PARP11: variants seen among roughly 807,000 people sequenced by gnomAD.
PARP11 encodes protein mono-ADP-ribosyltransferase PARP11.
Under a neutral mutation model 42.9 loss-of-function variants are expected in PARP11, and 31 were observed. The ratio of observed to expected loss-of-function variants is 0.72; its 90% CI spans 0.54 to 0.98. The LOEUF is 0.98. Ranked by LOEUF, PARP11 falls within the 50% of genes least tolerant of loss-of-function variation. The pLI is 0.00. For missense variants in PARP11, 365 were observed against 413.1 expected (o/e 0.88, Z 1.01); for synonymous variants, 137 against 127.3 (o/e 1.08, Z -0.51).
At chr12:3,827,478 G>A (rs562625912) in intron 3 of PARP11, among the ~76,000 whole-genome samples, 7 of 151,924 alleles carry the variant, frequency 4.6e-5, no homozygotes, top group East Asian at 3.9e-4. Flanking sequence ...CATATCATTC[G>A]GTTTCAGTTC....
intron 6 of PARP11, among the ~76,000 whole-genome samples, chr12:3,815,932 T>A (rs10774174): frequency 1.3e-5 from 2 of 152,098 alleles, no homozygotes; most frequent in South Asian, 2.1e-4. Context: ...ATTTAAATGG[T>A]GACAGAGATG....
At chr12:3,821,326 C>T (rs1341159119) in intron 6 of PARP11, among the ~76,000 whole-genome samples, 2 of 152,130 alleles carry the variant, frequency 1.3e-5, no homozygotes, top group Non-Finnish European at 2.9e-5. Context: ...CCTTTAATAG[C>T]TTAAAGTTTT....
chr12:3,859,331 G>A (rs949311590), intron 1 of PARP11, among the ~76,000 whole-genome samples: 142 of 152,076 alleles, frequency 9.3e-4, no homozygotes, highest in African/African-American at 3.3e-3. Context: ...TTGCGAGGCC[G>A]AGGCGAGTGG....
chr12:3,859,349 G>A (rs1948255394), intron 1 of PARP11, among the ~76,000 whole-genome samples: 3 of 152,012 alleles, frequency 2.0e-5, no homozygotes, highest in South Asian at 4.1e-4. Flanking sequence ...TGGATCACAA[G>A]GTCAGGAGAT....
intron 6 of PARP11, among the ~76,000 whole-genome samples, chr12:3,821,063 A>C (rs1253398906): frequency 6.6e-6 from 1 of 152,218 alleles, no homozygotes; most frequent in Admixed American, 6.5e-5. Flanking sequence ...AAAAGGAGAT[A>C]GTTTATGTGT....
chr12:3,824,600 T>A lies in PARP11; in HGVS notation c.344+1558A>T. The A allele has an allele frequency of 3.1e-6, 3 of 979,484 alleles. No individual in the cohort carries two copies. In the South Asian group the frequency reaches 1.4e-4, roughly 46 times the overall value. The allele number at this position is 979,484 out of a possible 1,614,324, so 60.7% of individuals were successfully genotyped here. ...TCTTACCTAAACAGTCCTCTCCTTT[T>A]ATTATTATCTTGCTTATTGTCCTCC... On this transcript the variant is annotated intron_variant, in intron 4 of 7. Transcript: ENST00000228820.
intron 1 of PARP11, chr12:3,842,574 CT>C (rs1413382737): frequency 1.7e-6 from 2 of 1,193,928 alleles, no homozygotes; most frequent in Non-Finnish European, 2.4e-6. Context: ...TTTCTGAAGG[CT>C]TTAAAAAACT....
intron 1 of PARP11, among the ~76,000 whole-genome samples, chr12:3,853,596 A>G (rs540145944): frequency 3.0e-4 from 46 of 152,366 alleles, no homozygotes; most frequent in African/African-American, 1.1e-3. Flanking sequence ...TATCCTAAAT[A>G]TATATGCACC....
chr12:3,834,990 G>GTA (rs1947726862), intron 1 of PARP11, among the ~76,000 whole-genome samples: 1 of 152,152 alleles, frequency 6.6e-6, no homozygotes, highest in Admixed American at 6.5e-5. Context: ...TGACCCAGGG[G>GTA]TAATTCCTAT....
chr12:3,862,954 T>G (rs900504943), intron 1 of PARP11, among the ~76,000 whole-genome samples: 1 of 152,248 alleles, frequency 6.6e-6, no homozygotes, highest in Non-Finnish European at 1.5e-5. Flanking sequence ...ATTATCAATC[T>G]GTCTGGAGAA....
At chr12:3,829,200 G>A (rs10491977) in intron 2 of PARP11, among the ~76,000 whole-genome samples, 170 bp from the exon 3 acceptor site, 9,054 of 152,262 alleles carry the variant, frequency 0.059, 343 homozygotes, top group East Asian at 0.18. Flanking sequence ...CCAGCATATT[G>A]AAAATGGTTT....
chr12:3,834,648 A>G (rs868000434), intron 1 of PARP11, among the ~76,000 whole-genome samples: 30 of 151,742 alleles, frequency 2.0e-4, no homozygotes, highest in East Asian at 1.5e-3. Flanking sequence ...AAAAAAAAAA[A>G]AAAGAAAGAA....
At chr12:3,859,669 G>T (rs527721586) in intron 1 of PARP11, among the ~76,000 whole-genome samples, 6 of 151,864 alleles carry the variant, frequency 4.0e-5, no homozygotes, top group East Asian at 1.9e-4. Flanking sequence ...TTTCAGATTA[G>T]ATTTTTTTGA....
chr12:3,840,806 C>T lies in PARP11; in HGVS notation c.19-10788G>A. On this transcript the variant is annotated intron_variant, in intron 1 of 7. Transcript: ENST00000228820. This position sits in a 1 kb window ranked among gnomAD's most constrained non-coding sequence, Gnocchi z 4.4. ...ACTGATGATAAATATGCAACAGTTT[C>T]ATCACCATCAAAGTCAAAGAAGTTA... 6.3e-7 allele frequency: 1 copy of T among 1,588,698 alleles called. No individual in the cohort carries two copies. The highest frequency in any genetic ancestry group is 2.2e-5 in the East Asian group (1 of 44,764).
intron 6 of PARP11, among the ~76,000 whole-genome samples, chr12:3,815,352 T>G (rs1947264265): frequency 6.6e-6 from 1 of 152,210 alleles, no homozygotes; most frequent in South Asian, 2.1e-4. Flanking sequence ...AAACCAAATC[T>G]GCCTTCTGTT....
At chr12:3,865,738 T>C (rs1256624552) in intron 1 of PARP11, among the ~76,000 whole-genome samples, 2 of 152,134 alleles carry the variant, frequency 1.3e-5, no homozygotes, top group Non-Finnish European at 2.9e-5. Context: ...GTCTTTATAT[T>C]CAAATTGTAT....
intron 3 of PARP11, among the ~76,000 whole-genome samples, chr12:3,828,297 C>T (rs1947568505): frequency 6.6e-6 from 1 of 152,050 alleles, no homozygotes; most frequent in Admixed American, 6.6e-5. Context: ...GCCTGTAATC[C>T]CAGCACTTTG....
intron 4 of PARP11, among the ~76,000 whole-genome samples, chr12:3,824,051 A>T (rs1333730239): frequency 6.6e-6 from 1 of 152,216 alleles, no homozygotes; most frequent in Non-Finnish European, 1.5e-5. Context: ...ATTTTAACAG[A>T]CACCAACCAA....
chr12:3,858,204 G>A (rs965972767), intron 1 of PARP11, among the ~76,000 whole-genome samples: 5 of 152,238 alleles, frequency 3.3e-5, no homozygotes, highest in African/African-American at 1.2e-4. Context: ...GCTGGAAGAA[G>A]TGAATATCAA....
Sources: allele counts gnomAD v4.1 joint callset (sites outside exome capture counted in the v4.1 genomes callset), GRCh38; gene constraint gnomAD v4.1.1; non-coding constraint Gnocchi (gnomAD v3.1); transcripts MANE v1.5; gene names NCBI Gene and HGNC (gene_info 2026-07-23, HGNC 2026-07-21).